The following SEC23A variants were observed in gnomAD, a reference collection of about 807,000 sequenced individuals.
SEC23A encodes the protein protein transport protein Sec23A.
A neutral mutation model predicts 103.7 loss-of-function variants in SEC23A; 56 were observed. The ratio of observed to expected loss-of-function variants is 0.54; its 90% CI spans 0.44 to 0.67. The LOEUF is 0.67. Among genes scored for constraint, SEC23A ranks in the 30% least tolerant of loss-of-function variants. The pLI, the probability that SEC23A is intolerant of heterozygous loss-of-function variation, is 0.00. For synonymous variants in SEC23A, 281 were observed against 293.0 expected (o/e 0.96, Z 0.42); for missense variants, 784 against 936.4 (o/e 0.84, Z 2.12).
At chr14:39,059,825 G>A (rs1371334008) in intron 13 of SEC23A, among the ~76,000 whole-genome samples, 1 of 152,032 alleles carries the variant, frequency 6.6e-6, no homozygotes, top group Non-Finnish European at 1.5e-5. Context: ...TATAGAAAGA[G>A]ACTATATTCA....
intron 17 of SEC23A, 106 bp downstream of exon 17, chr14:39,042,680 C>A: frequency 1.4e-6 from 1 of 736,584 alleles, no homozygotes; most frequent in Non-Finnish European, 2.4e-6. Context: ...AAATGGAAAT[C>A]AAAGTTTATC....
At chr14:39,071,455 A>T (rs1886837170) in intron 9 of SEC23A, among the ~76,000 whole-genome samples, 1 of 152,222 alleles carries the variant, frequency 6.6e-6, no homozygotes, top group African/African-American at 2.4e-5. Flanking sequence ...AGGCTGAGGC[A>T]CAAGAATCTG....
chr14:39,077,247 A>AG lies in SEC23A; in HGVS notation c.829-1155_829-1154insC, dbSNP rs1164942444. Reference sequence around the variant, plus strand: ...CATCTCAAAAAAAAAAAAAAAAAAAAAAAAAAAAGAAAGAGGCCCGGCACG... The same window carrying AG: ...CATCTCAAAAAAAAAAAAAAAAAAAAGAAAAAAAAGAAAGAGGCCCGGCACG... On this transcript the variant is annotated intron_variant, in intron 7 of 19. Coordinates refer to ENST00000307712, the MANE Select transcript of SEC23A (RefSeq NM_006364.4). 4.0e-5 allele frequency among the ~76,000 whole-genome samples: 6 copies of AG among 149,304 alleles called. No homozygotes were observed. The East Asian group carries it at 9.8e-4, about 24-fold the overall frequency.
At chr14:39,046,807 A>G (rs1289111682) in intron 15 of SEC23A, among the ~76,000 whole-genome samples, 1 of 152,130 alleles carries the variant, frequency 6.6e-6, no homozygotes, top group Non-Finnish European at 1.5e-5. Flanking sequence ...CTTTGATAAA[A>G]CTGATTAGGA....
Position 39,083,239 on chromosome 14 carries a change from C to T in SEC23A, c.828+2523G>A, listed in dbSNP as rs138427575. On this transcript the variant is annotated intron_variant, in intron 7 of 19. Transcript: ENST00000307712. Reference sequence around the variant, plus strand: ...GAAACTGCTTCGGGCAAACCTGCCTCCCATTCTATTCAAAGTCATCCCTCT... The same window carrying T: ...GAAACTGCTTCGGGCAAACCTGCCTTCCATTCTATTCAAAGTCATCCCTCT... 7.5e-3 allele frequency among the ~76,000 whole-genome samples: 1,148 copies of T among 152,234 alleles called. 8 individuals are homozygous for T. The highest frequency in any genetic ancestry group is 0.031 in the Middle Eastern group (9 of 294).
In SEC23A at chr14:39,073,069, A is replaced by T. The variant is rs8009176; in HGVS notation, c.1103+1346T>A. On this transcript the variant is annotated intron_variant, in intron 9 of 19. Coordinates refer to ENST00000307712, the MANE Select transcript of SEC23A (RefSeq NM_006364.4). ...TGTTCAAAGGACCATTATTCACAGT[A>T]GCCAAAAAGTGGAAATGAAATGTTC... 1.6e-3 allele frequency among the ~76,000 whole-genome samples: 251 copies of T among 152,366 alleles called. 1 individual carries two copies. The highest frequency in any genetic ancestry group is 5.7e-3 in the African/African-American group (237 of 41,596).
intron 1 of SEC23A, among the ~76,000 whole-genome samples, chr14:39,098,772 T>C (rs997593802): frequency 7.0e-6 from 1 of 143,122 alleles, no homozygotes; most frequent in African/African-American, 2.6e-5. Context: ...AGACTCCTTC[T>C]CAAAAAAAAA....
intron 15 of SEC23A, chr14:39,047,544 G>T: frequency 2.8e-6 from 1 of 360,730 alleles, no homozygotes; most frequent in South Asian, 2.9e-5. Context: ...GAAAAAGAAA[G>T]CTGATGCTTT....
intron 13 of SEC23A, among the ~76,000 whole-genome samples, chr14:39,058,813 GTGTTT>G (rs886637047): frequency 3.3e-5 from 5 of 152,212 alleles, no homozygotes; most frequent in African/African-American, 1.2e-4. Flanking sequence ...GTTTGGTTTA[GTGTTT>G]TATTAATTAT....
intron 9 of SEC23A, among the ~76,000 whole-genome samples, chr14:39,074,107 A>G (rs1426277422): frequency 1.3e-5 from 2 of 152,200 alleles, no homozygotes; most frequent in African/African-American, 4.8e-5. Context: ...CAAACTGTAC[A>G]TTTTAAATGG....
chr14:39,056,634 T>C (rs1443590569), intron 13 of SEC23A, among the ~76,000 whole-genome samples: 1 of 151,728 alleles, frequency 6.6e-6, no homozygotes, highest in Non-Finnish European at 1.5e-5. Flanking sequence ...GCTAACTTTT[T>C]TGTATTTTAG....
At chr14:39,067,912 T>C (rs1276357565) in intron 9 of SEC23A, among the ~76,000 whole-genome samples, 1 of 151,966 alleles carries the variant, frequency 6.6e-6, no homozygotes, top group African/African-American at 2.4e-5. Flanking sequence ...TCAAACAATA[T>C]GCTCACCTCG....
In SEC23A at chr14:39,033,105, A is replaced by C. The variant is rs1885353194; in HGVS notation, c.*134T>G. ...ATCTACAAATGTGAACATTTTCCAT[A>C]TGTTGTCTCAAACCATACTAATACA... On this transcript the variant is annotated 3_prime_UTR_variant, in exon 20 of 20. Coordinates refer to ENST00000307712, the MANE Select transcript of SEC23A (RefSeq NM_006364.4). 1.5e-6 allele frequency: 1 copy of C among 683,822 alleles called. No homozygotes were observed. Among genetic ancestry groups the C allele is most frequent in the Non-Finnish European group, 2.6e-6 (1 of 377,514 alleles). The allele number at this position is 683,822 out of a possible 1,614,324, so 42.4% of individuals were successfully genotyped here.
At position 39,032,615 on chromosome 14, in the gene SEC23A, G is replaced by T. The variant is rs559512520; in HGVS notation, c.*624C>A. 1 of 152,590 alleles carries T rather than the reference G, an allele frequency of 6.6e-6. No individual in the cohort carries two copies. The highest frequency in any genetic ancestry group is 2.1e-4 in the South Asian group (1 of 4,820). The allele number at this position is 152,590 out of a possible 1,614,324, so 9.5% of individuals were successfully genotyped here. Reference sequence around the variant, plus strand: ...ATTTCACATTTTTTGTCAGCTGCGGGATTGTTACCCAAAAAAACCTTTCAT... The same window carrying T: ...ATTTCACATTTTTTGTCAGCTGCGGTATTGTTACCCAAAAAAACCTTTCAT... On this transcript the variant is annotated 3_prime_UTR_variant, in exon 20 of 20. Transcript: ENST00000307712.
At chr14:39,081,516 T>G (rs1887225137) in intron 7 of SEC23A, among the ~76,000 whole-genome samples, 1 of 152,232 alleles carries the variant, frequency 6.6e-6, no homozygotes, top group South Asian at 2.1e-4. Context: ...TACTATATAT[T>G]CTCAGAACAT....
chr14:39,094,440 ATATTTTTTT>A (rs1459096741), intron 2 of SEC23A, among the ~76,000 whole-genome samples: 174 of 13,080 alleles, frequency 0.013, 24 homozygotes, highest in Admixed American at 0.016. Flanking sequence ...ATATATATAT[ATATTTTTTT>A]TTTTTTTTTT....
At position 39,032,417 on chromosome 14, in the gene SEC23A, CA is replaced by C. The variant is rs1885333186; in HGVS notation, c.*821del. 1 of 152,492 alleles carries C rather than the reference CA, an allele frequency of 6.6e-6. No individual in the cohort carries two copies. The highest frequency in any genetic ancestry group is 6.5e-5 in the Admixed American group (1 of 15,276). 9.4% of individuals were successfully genotyped at this position (152,492 alleles called of 1,614,324 possible). A position where few individuals can be genotyped will look rare whatever the true frequency, so the allele number is the denominator to read the frequency against. The stretch of plus-strand genomic sequence containing the variant: ...TAATGCAAAATTTACCTCTGAAAAA[CA>C]AGGGGAAAACAACAAAACCATGCTG... On this transcript the variant is annotated 3_prime_UTR_variant, in exon 20 of 20. Coordinates refer to ENST00000307712, the MANE Select transcript of SEC23A (RefSeq NM_006364.4).
At chr14:39,047,176 C>T (rs1188128875) in intron 15 of SEC23A, among the ~76,000 whole-genome samples, 1 of 152,184 alleles carries the variant, frequency 6.6e-6, no homozygotes, top group African/African-American at 2.4e-5. Flanking sequence ...CCTCTGCTTC[C>T]TATTTCCAGG....
intron 3 of SEC23A, chr14:39,092,873 T>C: frequency 2.0e-6 from 1 of 507,978 alleles, no homozygotes. Context: ...GTTTTGTTTG[T>C]TTGTTTTTGA....
Sources: gnomAD v4.1 joint callset for allele counts (sites outside exome capture counted in the v4.1 genomes callset) on GRCh38, gnomAD v4.1.1 for gene constraint, MANE v1.5 for transcripts, NCBI Gene and HGNC (gene_info 2026-07-23, HGNC 2026-07-21) for gene names.